The following LRP1B variants were observed in gnomAD, a reference collection of about 807,000 sequenced individuals.
The protein encoded by LRP1B is LDL receptor related protein 1B, also known as low-density lipoprotein receptor-related protein 1B.
A neutral mutation model predicts 556.6 loss-of-function variants in LRP1B; 217 were observed. The observed-to-expected ratio is 0.39, with a 90% confidence interval of 0.35 to 0.44. The LOEUF (loss-of-function observed/expected upper bound fraction) is 0.44. Ranked by LOEUF, LRP1B falls within the 20% of genes least tolerant of loss-of-function variation. The pLI, the probability that LRP1B is intolerant of heterozygous loss-of-function variation, is 1.00. For missense variants in LRP1B, 5,053 were observed against 5,620.8 expected (o/e 0.90, Z 3.23); for synonymous variants, 2,047 against 1,865.8 (o/e 1.10, Z -2.50).
intron 7 of LRP1B, among the ~76,000 whole-genome samples, chr2:141,138,574 T>TAA (rs1701547135): frequency 6.9e-6 from 1 of 145,894 alleles, no homozygotes; most frequent in Admixed American, 6.8e-5. Flanking sequence ...GCAATATAAA[T>TAA]GTCATTTTTT....
intron 3 of LRP1B, among the ~76,000 whole-genome samples, chr2:141,402,031 A>G (rs1379351500): frequency 6.6e-6 from 1 of 152,216 alleles, no homozygotes; most frequent in Non-Finnish European, 1.5e-5. Flanking sequence ...TTGCCACTAA[A>G]GGGTGAGAAG....
intron 2 of LRP1B, among the ~76,000 whole-genome samples, chr2:141,569,400 A>G (rs2105260735): frequency 6.6e-6 from 1 of 151,310 alleles, no homozygotes; most frequent in African/African-American, 2.4e-5. Flanking sequence ...AATGTAGATT[A>G]TCATGAACAT....
At chr2:141,250,600 G>GTGA (rs1684224604) in intron 4 of LRP1B, among the ~76,000 whole-genome samples, 2 of 152,116 alleles carry the variant, frequency 1.3e-5, no homozygotes, top group African/African-American at 4.8e-5. Flanking sequence ...TCTGTGAGTG[G>GTGA]TTATAGTGAA....
chr2:141,595,788 A>G (rs1034633794), intron 2 of LRP1B, among the ~76,000 whole-genome samples: 1 of 152,030 alleles, frequency 6.6e-6, no homozygotes, highest in Admixed American at 6.6e-5. Flanking sequence ...AATGCCCTAC[A>G]TAGATTAGAA....
intron 2 of LRP1B, among the ~76,000 whole-genome samples, chr2:141,591,352 GTTGT>G (rs1174529034): frequency 1.0e-5 from 1 of 97,570 alleles, no homozygotes; most frequent in African/African-American, 3.9e-5. Flanking sequence ...TTTTTTTGTT[GTTGT>G]TTGTTTGTTT....
chr2:141,996,095 T>C (rs1702481521), intron 1 of LRP1B, among the ~76,000 whole-genome samples: 2 of 151,266 alleles, frequency 1.3e-5, no homozygotes, highest in Admixed American at 6.6e-5. Flanking sequence ...CTACTCAAAA[T>C]ACAAAAATTA....
intron 2 of LRP1B, among the ~76,000 whole-genome samples, chr2:141,493,676 C>T (rs1683415941): frequency 6.6e-6 from 1 of 152,090 alleles, no homozygotes; most frequent in Admixed American, 6.6e-5. Flanking sequence ...TCTGAGCCAG[C>T]AGGAGATTAT....
chr2:141,191,951 G>A (rs1389374026), intron 6 of LRP1B, among the ~76,000 whole-genome samples: 1 of 151,902 alleles, frequency 6.6e-6, no homozygotes, highest in African/African-American at 2.4e-5. Context: ...CAAAAGAGCT[G>A]TTTGACAGCA....
chr2:140,771,166 A>G (rs1291840427), intron 33 of LRP1B, among the ~76,000 whole-genome samples, 160 bp from the exon 34 acceptor site: 1 of 152,152 alleles, frequency 6.6e-6, no homozygotes, highest in African/African-American at 2.4e-5. Context: ...GAATAATTTA[A>G]AGTAGTAAAT....
chr2:141,539,920 C>T (rs1002153021), intron 2 of LRP1B, among the ~76,000 whole-genome samples: 2 of 152,090 alleles, frequency 1.3e-5, no homozygotes, highest in South Asian at 2.1e-4. Context: ...TAGTTTTCCA[C>T]GTCCTAGGTT....
At chr2:141,376,139 G>A (rs1236788724) in intron 3 of LRP1B, among the ~76,000 whole-genome samples, 1 of 152,122 alleles carries the variant, frequency 6.6e-6, no homozygotes, top group African/African-American at 2.4e-5. Context: ...CTGGTATCTA[G>A]GCTTTCAAAA....
At chr2:141,050,244 A>G (rs1698996391) in intron 10 of LRP1B, among the ~76,000 whole-genome samples, 1 of 151,968 alleles carries the variant, frequency 6.6e-6, no homozygotes, top group Non-Finnish European at 1.5e-5. Context: ...CTAACAATAC[A>G]AAGTATATTA....
chr2:141,676,934 G>A (rs981363640), intron 2 of LRP1B, among the ~76,000 whole-genome samples: 4 of 152,104 alleles, frequency 2.6e-5, no homozygotes, highest in Non-Finnish European at 5.9e-5. Flanking sequence ...AAAACTACTA[G>A]AGATATGAGT....
intron 2 of LRP1B, among the ~76,000 whole-genome samples, chr2:141,607,169 A>C (rs1349645885): frequency 6.7e-6 from 1 of 149,264 alleles, no homozygotes; most frequent in Non-Finnish European, 1.5e-5. Flanking sequence ...AAAAAAAAAA[A>C]CAATTAATAG....
intron 20 of LRP1B, among the ~76,000 whole-genome samples, chr2:140,940,703 C>T (rs544957244): frequency 6.6e-6 from 1 of 152,234 alleles, no homozygotes; most frequent in East Asian, 1.9e-4. Flanking sequence ...CCATGTCTTG[C>T]TATTGTGAAC....
intron 3 of LRP1B, among the ~76,000 whole-genome samples, chr2:141,354,781 A>C (rs1033788031): frequency 6.6e-6 from 1 of 152,060 alleles, no homozygotes; most frequent in Non-Finnish European, 1.5e-5. Context: ...CAATTATAAA[A>C]AAAAAACTGA....
At chr2:140,258,661 T>C (rs934730080) in intron 86 of LRP1B, among the ~76,000 whole-genome samples, 1 of 151,666 alleles carries the variant, frequency 6.6e-6, no homozygotes, top group Non-Finnish European at 1.5e-5. Context: ...CTGTGTTCTT[T>C]ATATATATTA....
chr2:141,287,328 T>C (rs900963646), intron 3 of LRP1B, among the ~76,000 whole-genome samples: 1 of 105,746 alleles, frequency 9.5e-6, no homozygotes, highest in African/African-American at 3.8e-5. Flanking sequence ...TTTATTTTTC[T>C]TTTTTTTTTT....
At chr2:141,339,517 C>T (rs1312117184) in intron 3 of LRP1B, among the ~76,000 whole-genome samples, 3 of 152,100 alleles carry the variant, frequency 2.0e-5, no homozygotes, top group Non-Finnish European at 4.4e-5. Context: ...TCAGTTTTCT[C>T]ATCTGAAAAA....
Sources: gnomAD v4.1 joint callset for allele counts (sites outside exome capture counted in the v4.1 genomes callset) on GRCh38, gnomAD v4.1.1 for gene constraint, MANE v1.5 for transcripts, NCBI Gene and HGNC (gene_info 2026-07-23, HGNC 2026-07-21) for gene names.